The following SLIT3 variants were observed in gnomAD, a reference collection of about 807,000 sequenced individuals.
SLIT3 encodes slit homolog 3 protein.
In SLIT3, 68 loss-of-function variants were observed where a neutral mutation model predicts 184.0. The observed-to-expected ratio is 0.37, with a 90% confidence interval of 0.30 to 0.45. SLIT3 has a LOEUF of 0.45. Ranked by LOEUF, SLIT3 falls within the 20% of genes least tolerant of loss-of-function variation. The pLI is 1.00. For synonymous variants in SLIT3, 831 were observed against 828.6 expected (o/e 1.00, Z -0.05); for missense variants, 1,707 against 2,026.0 (o/e 0.84, Z 3.02).
chr5:169,092,657 G>C (rs1332158957), intron 4 of SLIT3, among the ~76,000 whole-genome samples: 1 of 152,216 alleles, frequency 6.6e-6, no homozygotes, highest in African/African-American at 2.4e-5. Context: ...TTCTTGCAGA[G>C]ATGGCAGGCA....
Position 169,287,499 on chromosome 5 carries a change from TA to T in SLIT3, c.197+13013del, listed in dbSNP as rs577857402. ...AGGCAGAAATGAAGGCACCTTTTCATAAGGGCAGACCACACCAGGAAGCTGA... is the reference window on the plus strand; with the variant it reads ...AGGCAGAAATGAAGGCACCTTTTCATAGGGCAGACCACACCAGGAAGCTGA... On this transcript the variant is annotated intron_variant, in intron 1 of 35. Coordinates refer to ENST00000519560, the MANE Select transcript of SLIT3 (RefSeq NM_003062.4). Among the ~76,000 whole-genome samples, 88 of 152,300 alleles carry T rather than the reference TA, an allele frequency of 5.8e-4. 1 individual carries two copies. Among genetic ancestry groups the T allele is most frequent in the African/African-American group, 2.0e-3 (84 of 41,562 alleles).
rs1030382853 is a variant in SLIT3, at chr5:168,818,203, C to T, written c.630-740G>A. ...CTGTCTGGTGTATTTGCTATTCTGA[C>T]TGATTCAGGTATGGCTGAAAATATT... is the stretch of plus-strand genomic sequence containing the variant. On this transcript the variant is annotated intron_variant, in intron 7 of 35. Coordinates refer to ENST00000519560, the MANE Select transcript of SLIT3 (RefSeq NM_003062.4). Among the ~76,000 whole-genome samples the T allele has an allele frequency of 6.6e-5, 10 of 152,142 alleles. 1 individual carries two copies. The highest frequency in any genetic ancestry group is 1.0e-4 in the Non-Finnish European group (7 of 68,034).
chr5:169,152,560 A>G (rs1762151643), intron 4 of SLIT3, among the ~76,000 whole-genome samples: 1 of 152,068 alleles, frequency 6.6e-6, no homozygotes, highest in Admixed American at 6.6e-5. Context: ...GGTAATTTTG[A>G]CCACGTGTAC....
intron 33 of SLIT3, 101 bp downstream of exon 33, chr5:168,673,076 C>T: frequency 1.7e-6 from 2 of 1,158,572 alleles, no homozygotes; most frequent in Non-Finnish European, 2.5e-6. Flanking sequence ...TCCCTTCCTC[C>T]AGGAAGCCTT....
At chr5:168,762,513 G>A (rs372356801) in intron 15 of SLIT3, 26 bp downstream of exon 15, 207 of 1,607,878 alleles carry the variant, frequency 1.3e-4, no homozygotes, top group Non-Finnish European at 1.7e-4. Flanking sequence ...GGAGGAGTAG[G>A]GAGTTCACGC....
chr5:169,008,199 C>T (rs1426958238), intron 4 of SLIT3, among the ~76,000 whole-genome samples: 1 of 152,202 alleles, frequency 6.6e-6, no homozygotes, highest in Non-Finnish European at 1.5e-5. Context: ...GAAATCATCT[C>T]TGGGAGGATG....
chr5:168,771,301 G>T (rs555846996), intron 14 of SLIT3, among the ~76,000 whole-genome samples: 1 of 152,176 alleles, frequency 6.6e-6, no homozygotes, highest in Non-Finnish European at 1.5e-5. Flanking sequence ...TTCAGGGAGC[G>T]GGTAGGGGTG....
At chr5:168,839,157 T>C (rs1057124988) in intron 6 of SLIT3, among the ~76,000 whole-genome samples, 2 of 152,288 alleles carry the variant, frequency 1.3e-5, no homozygotes, top group African/African-American at 4.8e-5. Context: ...TTGCTTAGGT[T>C]CGGGCGTCCT....
intron 4 of SLIT3, among the ~76,000 whole-genome samples, chr5:169,177,072 C>A (rs1190105853): frequency 6.6e-6 from 1 of 152,166 alleles, no homozygotes; most frequent in African/African-American, 2.4e-5. Context: ...ATGATTTGGC[C>A]CTTTCCCCTG....
At chr5:169,042,121 C>A (rs999295068) in intron 4 of SLIT3, among the ~76,000 whole-genome samples, 5 of 152,184 alleles carry the variant, frequency 3.3e-5, no homozygotes, top group African/African-American at 1.2e-4. Flanking sequence ...TATCGTAGAA[C>A]GGTCCAGTTC....
At position 168,734,264 on chromosome 5, in the gene SLIT3, A is replaced by G. The variant is rs192059073; in HGVS notation, c.2271-9780T>C. 2.0e-5 allele frequency among the ~76,000 whole-genome samples: 3 copies of G among 152,358 alleles called. No individual in the cohort carries two copies. The East Asian group carries it at 5.8e-4, about 29-fold the overall frequency. Reference sequence around the variant, plus strand: ...ATCTAGACCAAGTATGTGACCAAACAACCGAGCACCACAGCCTACCCAGTT... The same window carrying G: ...ATCTAGACCAAGTATGTGACCAAACGACCGAGCACCACAGCCTACCCAGTT... On this transcript the variant is annotated intron_variant, in intron 20 of 35. Transcript: ENST00000519560.
intron 27 of SLIT3, among the ~76,000 whole-genome samples, chr5:168,700,137 G>A (rs982363207): frequency 3.9e-5 from 6 of 152,202 alleles, no homozygotes; most frequent in African/African-American, 1.4e-4. Flanking sequence ...CACGGGCACT[G>A]GGCACGCCCT....
chr5:169,173,935 C>A (rs1762892402), intron 4 of SLIT3, among the ~76,000 whole-genome samples: 1 of 152,200 alleles, frequency 6.6e-6, no homozygotes, highest in African/African-American at 2.4e-5. Context: ...CCCCAGGCCC[C>A]ATCCACAGTG....
intron 4 of SLIT3, among the ~76,000 whole-genome samples, chr5:169,015,130 A>G (rs1342616721): frequency 6.6e-6 from 1 of 151,906 alleles, no homozygotes. Context: ...AACACCATCT[A>G]TGAGTTGATA....
chr5:168,754,115 G>A, intron 16 of SLIT3, 108 bp from the exon 17 acceptor site: 5 of 1,124,670 alleles, frequency 4.4e-6, no homozygotes, highest in East Asian at 2.6e-5. Flanking sequence ...GGGCCCCTGA[G>A]ACTGAGGACT....
Position 169,049,090 on chromosome 5 carries a change from G to C in SLIT3, c.413+144389C>G, listed in dbSNP as rs574426707. The stretch of plus-strand genomic sequence containing the variant: ...AGCCTGTGAGGGCGCCAGGGCTACG[G>C]CAGGCAGGGCCATTACCCATGTTAG... On this transcript the variant is annotated intron_variant, in intron 4 of 35. Transcript: ENST00000519560. Among the ~76,000 whole-genome samples, 136 of 152,302 alleles carry C rather than the reference G, an allele frequency of 8.9e-4. 1 individual carries two copies. Among genetic ancestry groups the C allele is most frequent in the African/African-American group, 3.1e-3 (128 of 41,556 alleles).
intron 5 of SLIT3, among the ~76,000 whole-genome samples, chr5:168,851,869 A>C (rs973557401): frequency 4.6e-5 from 7 of 152,280 alleles, no homozygotes; most frequent in African/African-American, 1.7e-4. Flanking sequence ...TCGCAAACCC[A>C]GCTTTCAGTT....
chr5:168,757,135 C>T (rs1254888857), intron 16 of SLIT3, among the ~76,000 whole-genome samples: 3 of 152,124 alleles, frequency 2.0e-5, no homozygotes, highest in African/African-American at 7.2e-5. Context: ...TTTGTAAGAG[C>T]CGATCACATT....
At chr5:168,751,484 T>C (rs770210949) in intron 18 of SLIT3, among the ~76,000 whole-genome samples, 1 of 151,884 alleles carries the variant, frequency 6.6e-6, no homozygotes, top group African/African-American at 2.4e-5. Context: ...TCCTAGGAGG[T>C]AGATTATGCA....
Sources: allele counts gnomAD v4.1 joint callset (sites outside exome capture counted in the v4.1 genomes callset), GRCh38; gene constraint gnomAD v4.1.1; transcripts MANE v1.5; gene names NCBI Gene and HGNC (gene_info 2026-07-23, HGNC 2026-07-21).